Variants in FKBP5 observed in about 807,000 individuals in gnomAD.
The protein encoded by FKBP5 is peptidyl-prolyl cis-trans isomerase FKBP5.
In FKBP5, 23 loss-of-function variants were observed where a neutral mutation model predicts 50.5. That is an observed-to-expected ratio of 0.46 (90% CI 0.33 to 0.65). The LOEUF (loss-of-function observed/expected upper bound fraction) is 0.65, where lower values mean the gene tolerates loss of function less well. FKBP5 is among the 30% of genes least tolerant of loss of function. The pLI is 0.02. For missense variants in FKBP5, 411 were observed against 553.1 expected, an observed-to-expected ratio of 0.74 and a Z score of 2.58; for synonymous variants, 176 against 190.6, an observed-to-expected ratio of 0.92 and a Z score of 0.63.
chr6:35,579,763 A>AGGTC (rs1762363643), intron 9 of FKBP5, among the ~76,000 whole-genome samples: 1 of 152,202 alleles, frequency 6.6e-6, no homozygotes, highest in Admixed American at 6.5e-5. Flanking sequence ...GTTATAAGGA[A>AGGTC]GGTCGTGGAT....
intron 7 of FKBP5, among the ~76,000 whole-genome samples, chr6:35,589,210 C>G (rs764970526): frequency 4.7e-5 from 7 of 148,916 alleles, no homozygotes; most frequent in Non-Finnish European, 1.0e-4. Context: ...CTCACGGCAA[C>G]CTCCACCTCC....
intron 6 of FKBP5, among the ~76,000 whole-genome samples, chr6:35,593,640 C>T (rs1051823931): frequency 3.3e-5 from 5 of 152,058 alleles, no homozygotes; most frequent in Non-Finnish European, 7.4e-5. Flanking sequence ...CTGCAACCTC[C>T]GCCTCCTGGG....
chr6:35,579,851 CTG>C (rs1762366240), intron 9 of FKBP5, among the ~76,000 whole-genome samples, 183 bp downstream of exon 9: 1 of 152,078 alleles, frequency 6.6e-6, no homozygotes, highest in African/African-American at 2.4e-5. Flanking sequence ...AAAAGTCTGA[CTG>C]TAATAAAAAT....
At chr6:35,716,850 C>T (rs955934954) in intron 2 of FKBP5, among the ~76,000 whole-genome samples, 1 of 152,216 alleles carries the variant, frequency 6.6e-6, no homozygotes, top group Admixed American at 6.5e-5. Context: ...AAAGCTGCCA[C>T]ATCAACCTTG....
intron 3 of FKBP5, among the ~76,000 whole-genome samples, chr6:35,634,201 G>C (rs1342077354): frequency 6.6e-6 from 1 of 152,126 alleles, no homozygotes; most frequent in African/African-American, 2.4e-5. Flanking sequence ...TCTAAGGATA[G>C]AGTAAGGATT....
intron 1 of FKBP5, among the ~76,000 whole-genome samples, chr6:35,672,360 GA>G (rs372314755): frequency 1.1e-3 from 165 of 151,720 alleles, no homozygotes; most frequent in African/African-American, 3.6e-3. Flanking sequence ...TGAGGACATG[GA>G]AAAAAGTTTT....
rs375942837 is a variant in FKBP5 at position 35,712,843 on chromosome 6, C to T, written c.-20+7485G>A. On this transcript the variant is annotated intron_variant, in intron 2 of 11. Coordinates refer to the FKBP5 transcript ENST00000536438. ...AAGCTGGCCGTGTGGCCTGGGCACT[C>T]CCCAAAACTACTTAGTAAACCTTCA... 1.1e-4 allele frequency among the ~76,000 whole-genome samples: 17 copies of T among 152,148 alleles called. No individual in the cohort carries two copies. In the East Asian group the frequency reaches 1.4e-3, roughly 12 times the overall value.
chr6:35,586,247 C>T (rs1762594527), intron 8 of FKBP5: 7 of 984,976 alleles, frequency 7.1e-6, no homozygotes, highest in Non-Finnish European at 8.4e-6. Context: ...GGTTTAAGAT[C>T]TAAGTGAGAA....
At chr6:35,591,669 T>C (rs565354705) in intron 6 of FKBP5, among the ~76,000 whole-genome samples, 5 of 152,190 alleles carry the variant, frequency 3.3e-5, no homozygotes, top group Non-Finnish European at 7.3e-5. Flanking sequence ...TATGTTTTAA[T>C]AAGCTTTTAA....
Position 35,600,258 on chromosome 6 carries a change from T to G in FKBP5, c.509-2854A>C, listed in dbSNP as rs139654921. Among the ~76,000 whole-genome samples the G allele has an allele frequency of 4.7e-3, 710 of 152,074 alleles. 8 individuals are homozygous for G. Among genetic ancestry groups the G allele is most frequent in the African/African-American group, 0.015 (641 of 41,446 alleles). On this transcript the variant is annotated intron_variant, in intron 5 of 10. Coordinates refer to ENST00000357266, the MANE Select transcript of FKBP5 (RefSeq NM_004117.4). ...ACAGGGAGTCTGAGGCTTAAGATAT[T>G]TTTACTGAATTCGCTGAGGGTGGTG...
chr6:35,715,843 G>C (rs1377358733), intron 2 of FKBP5, among the ~76,000 whole-genome samples: 1 of 152,240 alleles, frequency 6.6e-6, no homozygotes, highest in Non-Finnish European at 1.5e-5. Flanking sequence ...AGGATGGAGA[G>C]AGGAGGATGG....
At chr6:35,678,464 C>T (rs759852330) in intron 1 of FKBP5, among the ~76,000 whole-genome samples, 5 of 152,176 alleles carry the variant, frequency 3.3e-5, no homozygotes, top group Non-Finnish European at 7.3e-5. Flanking sequence ...TTAGGAATTG[C>T]ATTCCTAAGA....
rs1168125725 is a variant in FKBP5, at chr6:35,661,060, A to G, written c.-19-18217T>C. ...CTTTTTAGGGTTATAAATGTTCCAAAGTGGGACAGCAGTAATAGTTGCACA... is the reference window on the plus strand; with the variant it reads ...CTTTTTAGGGTTATAAATGTTCCAAGGTGGGACAGCAGTAATAGTTGCACA... On this transcript the variant is annotated intron_variant, in intron 1 of 10. Transcript: ENST00000357266. Among the ~76,000 whole-genome samples the G allele has an allele frequency of 5.9e-5, 5 of 84,778 alleles. 2 individuals carry two copies. Among genetic ancestry groups the G allele is most frequent in the African/African-American group, 1.8e-4 (5 of 27,484 alleles). The allele number at this position is 84,778 out of a possible 152,430, so 55.6% of individuals were successfully genotyped here. A position where few individuals can be genotyped will look rare whatever the true frequency, so the allele number is the denominator to read the frequency against.
At position 35,658,685 on chromosome 6, in the gene FKBP5, ACCAACCT is replaced by A. The variant is rs1378753086; in HGVS notation, c.-19-15849_-19-15843del. On this transcript the variant is annotated intron_variant, in intron 1 of 10. Transcript: ENST00000357266. ...CATGACATTGGTTTTCAAATGTTAA[ACCAACCT>A]TGGATACCTGGAATAAACCCTATTT... 1.1e-4 allele frequency among the ~76,000 whole-genome samples: 10 copies of A among 88,236 alleles called. 2 individuals carry two copies. Among genetic ancestry groups the A allele is most frequent in the South Asian group, 7.8e-4 (2 of 2,576 alleles). 57.9% of individuals were successfully genotyped at this position (88,236 alleles called of 152,430 possible).
At chr6:35,685,062 A>G (rs1443320707) in intron 1 of FKBP5, among the ~76,000 whole-genome samples, 2 of 149,924 alleles carry the variant, frequency 1.3e-5, no homozygotes, top group East Asian at 1.9e-4. Context: ...CCCCGACTCA[A>G]AAAAAAAAAG....
At chr6:35,703,750 C>T (rs1465175441) in intron 2 of FKBP5, among the ~76,000 whole-genome samples, 1 of 152,134 alleles carries the variant, frequency 6.6e-6, no homozygotes, top group Non-Finnish European at 1.5e-5. Flanking sequence ...CCCAGTTCTA[C>T]CAATCACACA....
chr6:35,727,844 C>G (rs947903664), intron 1 of FKBP5, among the ~76,000 whole-genome samples: 1 of 152,190 alleles, frequency 6.6e-6, no homozygotes, highest in Non-Finnish European at 1.5e-5. Context: ...CTCCCTCCCC[C>G]AGCTGTGCTA....
At chr6:35,681,256 G>A (rs1289524457) in intron 1 of FKBP5, among the ~76,000 whole-genome samples, 3 of 152,244 alleles carry the variant, frequency 2.0e-5, no homozygotes, top group Non-Finnish European at 4.4e-5. Context: ...TGGCAAAACT[G>A]GATAAAGGTA....
chr6:35,641,389 G>A (rs1303458697), intron 2 of FKBP5, among the ~76,000 whole-genome samples: 2 of 152,116 alleles, frequency 1.3e-5, no homozygotes, highest in African/African-American at 4.8e-5. Context: ...TTATTATCAA[G>A]TATTATGTAC....
Sources: allele counts gnomAD v4.1 joint callset (sites outside exome capture counted in the v4.1 genomes callset), GRCh38; gene constraint gnomAD v4.1.1; transcripts MANE v1.5; gene names NCBI Gene and HGNC (gene_info 2026-07-23, HGNC 2026-07-21).